PGM2: variants seen among roughly 807,000 people sequenced by gnomAD.
PGM2 encodes the protein phosphoglucomutase 2.
In PGM2, 57 loss-of-function variants were observed where a neutral mutation model predicts 74.6. The observed-to-expected ratio is 0.76, with a 90% CI of 0.62 to 0.95. The LOEUF (loss-of-function observed/expected upper bound fraction) is 0.95. PGM2 is among the 40% of genes least tolerant of loss of function. The probability of loss-of-function intolerance (pLI) is 0.00; values close to 1 mark genes in which losing one functional copy is unlikely to be tolerated. For synonymous variants in PGM2, 273 were observed against 260.7 expected, an observed-to-expected ratio of 1.05 and a Z score of -0.46; for missense variants, 706 against 741.9, an observed-to-expected ratio of 0.95 and a Z score of 0.56.
At position 37,840,982 on chromosome 4, in the gene PGM2, A is replaced by ATATG. The variant is rs1491017981; in HGVS notation, c.719+724_719+725insATGT. Among the ~76,000 whole-genome samples the ATATG allele has an allele frequency of 2.1e-5, 3 of 141,710 alleles. 1 individual carries two copies. Among genetic ancestry groups the ATATG allele is most frequent in the Admixed American group, 1.5e-4 (2 of 13,570 alleles). The allele number at this position is 141,710 out of a possible 152,430, so 93.0% of individuals were successfully genotyped here. On this transcript the variant is annotated intron_variant, in intron 6 of 13. Coordinates refer to ENST00000381967, the MANE Select transcript of PGM2 (RefSeq NM_018290.4). Reference sequence around the variant, plus strand: ...TGTGTGTGTATATATATATATATATATGTATGTTTTTAAAACTTGCTCAAA... The same window carrying ATATG: ...TGTGTGTGTATATATATATATATATATATGTGTATGTTTTTAAAACTTGCTCAAA...
chr4:37,861,578 C>A lies in PGM2; in HGVS notation c.1805C>A (p.Pro602Gln), dbSNP rs1340087188. The change falls in exon 14 of 14, where the codon CCA becomes CAA. Residue 602 changes from proline to glutamine, a missense_variant. Coordinates refer to ENST00000381967, the MANE Select transcript of PGM2 (RefSeq NM_018290.4). ...GCTATTGAAGAACATTTTTTCCAGCCACAGAAGTACAATCTGCAGCCAAAA... is the reference window on the plus strand; with the variant it reads ...GCTATTGAAGAACATTTTTTCCAGCAACAGAAGTACAATCTGCAGCCAAAA... ...VSAIEEHFFQ[P>Q]QKYNLQPKAD 11 of 1,612,772 alleles carry A rather than the reference C, an allele frequency of 6.8e-6. No homozygotes were observed. The highest frequency in any genetic ancestry group is 8.5e-6 in the Non-Finnish European group (10 of 1,179,094).
intron 2 of PGM2, among the ~76,000 whole-genome samples, chr4:37,831,629 A>G (rs1411962756): frequency 2.6e-5 from 4 of 152,190 alleles, no homozygotes; most frequent in East Asian, 3.8e-4. Context: ...GGACTTCCTT[A>G]TAACATGGTG....
intron 12 of PGM2, among the ~76,000 whole-genome samples, chr4:37,852,424 G>A (rs952174118): frequency 2.6e-4 from 12 of 46,652 alleles, no homozygotes; most frequent in Admixed American, 1.3e-3. Context: ...GTCATCCTGG[G>A]AATGCCCTTC....
intron 8 of PGM2, among the ~76,000 whole-genome samples, chr4:37,846,296 T>C (rs556980162): frequency 1.2e-3 from 188 of 151,634 alleles, no homozygotes; most frequent in Non-Finnish European, 2.4e-3. Flanking sequence ...ATGTGATGTT[T>C]TGGGGGCAGG....
chr4:37,850,034 C>T (rs1432376878), intron 11 of PGM2, 150 bp from the exon 12 acceptor site: 23 of 508,332 alleles, frequency 4.5e-5, no homozygotes, highest in Middle Eastern at 5.0e-4. Context: ...GTGATCTGCC[C>T]GCCTCGGCCT....
intron 1 of PGM2, 94 bp from the exon 2 acceptor site, chr4:37,829,870 A>ATT (rs377063620): frequency 0.05 from 22,411 of 445,058 alleles, 1,212 homozygotes; most frequent in African/African-American, 0.14. Context: ...ACATATATAT[A>ATT]TATTTTCTAT....
chr4:37,842,101 T>C (rs1725745034), intron 6 of PGM2, among the ~76,000 whole-genome samples: 1 of 151,444 alleles, frequency 6.6e-6, no homozygotes, highest in African/African-American at 2.4e-5. Flanking sequence ...TTAATTAACC[T>C]ATATTTTCTA....
rs201294994 is a variant in PGM2 at position 37,862,182 on chromosome 4, ATTT to A, written c.*576_*578del. The A allele has an allele frequency of 6.6e-6, 1 of 152,322 alleles. No individual in the cohort carries two copies. Among genetic ancestry groups the A allele is most frequent in the Non-Finnish European group, 1.5e-5 (1 of 68,184 alleles). 9.4% of individuals were successfully genotyped at this position (152,322 alleles called of 1,614,324 possible). ...AAAAAGATAAGTTTTTTTGAACTAA[ATTT>A]TTTTTAGTTCTAATAATGCACATAG... On this transcript the variant is annotated 3_prime_UTR_variant, in exon 14 of 14. Coordinates refer to ENST00000381967, the MANE Select transcript of PGM2 (RefSeq NM_018290.4).
At chr4:37,852,223 C>T (rs1351200009) in intron 12 of PGM2, among the ~76,000 whole-genome samples, 1 of 148,040 alleles carries the variant, frequency 6.8e-6, no homozygotes, top group East Asian at 2.0e-4. Context: ...GCCTTAGCCT[C>T]CCAAAGTACT....
Position 37,847,008 on chromosome 4 carries a change from A to G in PGM2, c.1085A>G (p.Lys362Arg), listed in dbSNP as rs769539200. ...TGGCTTTTTACATCTTGGAAAGAGA[A>G]GAACCAGGATCGCAGTGCTCTCAAA... Reference protein sequence around the residue: ...GWWLFTSWKEKNQDRSALKDT... With the variant: ...GWWLFTSWKERNQDRSALKDT... The change falls in exon 9 of 14, where the codon AAG becomes AGG. Residue 362 changes from lysine (K) to arginine (R), a missense_variant. Physicochemically the swap from Lys to Arg is conservative, Grantham distance 26 (BLOSUM62 2). Transcript: ENST00000381967. The G allele has an allele frequency of 2.5e-6, 4 of 1,613,818 alleles. No homozygotes were observed. The highest frequency in any genetic ancestry group is 2.2e-5 in the South Asian group (2 of 91,080).
intron 12 of PGM2, among the ~76,000 whole-genome samples, chr4:37,854,011 G>A (rs1577683045): frequency 6.6e-6 from 1 of 152,138 alleles, no homozygotes; most frequent in African/African-American, 2.4e-5. Flanking sequence ...GGTGCCTCTG[G>A]TTCTTGAGCT....
At chr4:37,833,315 G>A (rs1725483585) in intron 2 of PGM2, among the ~76,000 whole-genome samples, 1 of 152,178 alleles carries the variant, frequency 6.6e-6, no homozygotes. Flanking sequence ...GAGCACTTTA[G>A]GAGGCCAAGG....
intron 11 of PGM2, 56 bp downstream of exon 11, chr4:37,848,707 A>G (rs1725947026): frequency 4.8e-6 from 6 of 1,258,628 alleles, no homozygotes; most frequent in African/African-American, 1.5e-5. Flanking sequence ...GTTCTATTAT[A>G]TACTTATGCA....
In PGM2 at chr4:37,855,753, A is replaced by G. The variant is rs1388222976; in HGVS notation, c.1736+12A>G. ...CCACCTGGGAACAGGTATGATGTGG[A>G]TGGCAGCTGGTGTGATTTTTACTCC... On this transcript the variant is annotated intron_variant, in intron 13 of 13. Transcript: ENST00000381967. The G allele has an allele frequency of 1.9e-6, 3 of 1,588,458 alleles. No homozygotes were observed. The highest frequency in any genetic ancestry group is 1.8e-5 in the Admixed American group (1 of 55,160).
At chr4:37,829,030 C>T (rs1159569353) in intron 1 of PGM2, among the ~76,000 whole-genome samples, 4 of 152,174 alleles carry the variant, frequency 2.6e-5, no homozygotes, top group African/African-American at 7.2e-5. Flanking sequence ...CCACGTCCTG[C>T]GTGAGTGCTC....
intron 12 of PGM2, among the ~76,000 whole-genome samples, chr4:37,851,979 T>TTTTTTTTTTTTTTTG (rs1560420074): frequency 6.7e-6 from 1 of 149,550 alleles, no homozygotes. Context: ...TCTTTTTTTT[T>TTTTTTTTTTTTTTTG]GGAGACAGGG....
chr4:37,834,318 C>G (rs1454619330), intron 2 of PGM2, among the ~76,000 whole-genome samples: 1 of 150,438 alleles, frequency 6.6e-6, no homozygotes, highest in East Asian at 1.9e-4. Flanking sequence ...GCCTAGGCAA[C>G]AGAGCAAGAC....
rs1240376292 is a variant in PGM2 at position 37,856,114 on chromosome 4, G to A, written c.1736+373G>A. On this transcript the variant is annotated intron_variant, in intron 13 of 13. Coordinates refer to ENST00000381967, the MANE Select transcript of PGM2 (RefSeq NM_018290.4). ...ATAAATTATAATCCGGGCCGGGTGC[G>A]GTGGCTTACACCTGTAATCCCAGCA... Among the ~76,000 whole-genome samples the A allele has an allele frequency of 4.6e-5, 7 of 152,028 alleles. No individual in the cohort carries two copies. The South Asian group carries it at 6.2e-4, about 14-fold the overall frequency.
chr4:37,827,277 C>G (rs1725318130), intron 1 of PGM2, among the ~76,000 whole-genome samples: 1 of 152,210 alleles, frequency 6.6e-6, no homozygotes, highest in Admixed American at 6.5e-5. Context: ...GTCCTCCCAT[C>G]CCGAGGGCTT....
Sources: gnomAD v4.1 joint callset for allele counts (sites outside exome capture counted in the v4.1 genomes callset) on GRCh38, gnomAD v4.1.1 for gene constraint, MANE v1.5 for transcripts, NCBI Gene and HGNC (gene_info 2026-07-23, HGNC 2026-07-21) for gene names.